The following SGIP1 variants were observed in gnomAD, a reference collection of about 807,000 sequenced individuals.
SGIP1 encodes the protein SH3GL interacting endocytic adaptor 1.
Under a neutral mutation model 107.5 loss-of-function variants are expected in SGIP1, and 38 were observed. The observed-to-expected ratio is 0.35, with a 90% confidence interval of 0.27 to 0.46. The LOEUF (loss-of-function observed/expected upper bound fraction) is 0.46, where lower values mean the gene tolerates loss of function less well. SGIP1 is among the 20% of genes least tolerant of loss of function. The pLI is 1.00. For synonymous variants in SGIP1, 365 were observed against 366.1 expected, an observed-to-expected ratio of 1.00 and a Z score of 0.03; for missense variants, 929 against 1,019.5, an observed-to-expected ratio of 0.91 and a Z score of 1.21.
Position 66,750,243 on chromosome 1 carries a change from G to T in SGIP1, c.*7148G>T, listed in dbSNP as rs149299984. The stretch of plus-strand genomic sequence containing the variant: ...AAGCTGTTTGAACACTATTGTTTTC[G>T]ATTAAAAAGAGTTTTTGTTTGTTTT... On this transcript the variant is annotated 3_prime_UTR_variant, in exon 25 of 25. Transcript: ENST00000371037. Among the ~76,000 whole-genome samples, 3 of 152,140 alleles carry T rather than the reference G, an allele frequency of 2.0e-5. No homozygotes were observed. Among genetic ancestry groups the T allele is most frequent in the South Asian group, 2.1e-4 (1 of 4,820 alleles).
intron 1 of SGIP1, among the ~76,000 whole-genome samples, chr1:66,597,856 C>T (rs1393085599): frequency 6.6e-6 from 1 of 152,146 alleles, no homozygotes; most frequent in Non-Finnish European, 1.5e-5. Context: ...CACATGCTTG[C>T]TGAATGTTTT....
At chr1:66,741,003 T>A (rs1016030720) in intron 23 of SGIP1, among the ~76,000 whole-genome samples, 2 of 152,230 alleles carry the variant, frequency 1.3e-5, no homozygotes, top group African/African-American at 4.8e-5. Context: ...TAGATATTTT[T>A]CACTCTCCTC....
At chr1:66,633,000 T>C in intron 2 of SGIP1, 70 bp from the exon 3 acceptor site, 1 of 967,914 alleles carries the variant, frequency 1.0e-6, no homozygotes, top group South Asian at 1.3e-5. Context: ...TGGTTCTTAC[T>C]GTTGTACTTT....
At chr1:66,635,654 T>G (rs1040881718) in intron 3 of SGIP1, among the ~76,000 whole-genome samples, 1 of 152,226 alleles carries the variant, frequency 6.6e-6, no homozygotes, top group Non-Finnish European at 1.5e-5. Flanking sequence ...AAATGCTGGC[T>G]GTATGAGAAA....
chr1:66,632,514 C>G (rs1330340195), intron 2 of SGIP1, among the ~76,000 whole-genome samples: 1 of 152,146 alleles, frequency 6.6e-6, no homozygotes, highest in Non-Finnish European at 1.5e-5. Context: ...GTGATGCTCT[C>G]CTGCAATCCC....
At chr1:66,733,360 T>C (rs945023998) in intron 20 of SGIP1, among the ~76,000 whole-genome samples, 4 of 152,188 alleles carry the variant, frequency 2.6e-5, no homozygotes, top group Non-Finnish European at 5.9e-5. Flanking sequence ...AATTCAAAAG[T>C]AAATAAACGT....
At chr1:66,684,305 T>G in intron 15 of SGIP1, 1 of 1,416,388 alleles carries the variant, frequency 7.1e-7, no homozygotes, top group East Asian at 2.5e-5. Context: ...CACTGCACAG[T>G]GTCATCGACA....
At chr1:66,535,747 A>T (rs1319088435) in intron 1 of SGIP1, among the ~76,000 whole-genome samples, 2 of 152,200 alleles carry the variant, frequency 1.3e-5, no homozygotes, top group Non-Finnish European at 2.9e-5. Flanking sequence ...AGATTAAATC[A>T]TTTTCATTAA....
chr1:66,590,699 A>G (rs1034465378), intron 1 of SGIP1: 1 of 152,236 alleles, frequency 6.6e-6, no homozygotes, highest in African/African-American at 2.4e-5. Context: ...ACATAGAGGA[A>G]TCTTAAGTGC....
At chr1:66,591,341 C>T (rs1326859766) in intron 1 of SGIP1, among the ~76,000 whole-genome samples, 1 of 152,194 alleles carries the variant, frequency 6.6e-6, no homozygotes, top group Non-Finnish European at 1.5e-5. Context: ...TCAACATAAG[C>T]CCGTTAGAAT....
At chr1:66,579,446 G>A (rs1157916874) in intron 1 of SGIP1, among the ~76,000 whole-genome samples, 1 of 152,200 alleles carries the variant, frequency 6.6e-6, no homozygotes, top group East Asian at 1.9e-4. Flanking sequence ...ATCCACATGA[G>A]ACTATGGCAG....
intron 18 of SGIP1, among the ~76,000 whole-genome samples, chr1:66,714,130 T>C (rs1286776657): frequency 2.0e-5 from 3 of 152,144 alleles, no homozygotes; most frequent in Admixed American, 6.6e-5. Context: ...GTACATACCA[T>C]GTTAAGTACT....
intron 2 of SGIP1, among the ~76,000 whole-genome samples, chr1:66,631,715 CTCTCTCTCTCTCTT>C (rs2074791705): frequency 1.4e-5 from 1 of 72,434 alleles, no homozygotes; most frequent in Non-Finnish European, 2.5e-5. Context: ...CTCTCTCTCT[CTCTCTCTCTCTCTT>C]CTCACGGGCT....
intron 1 of SGIP1, among the ~76,000 whole-genome samples, chr1:66,606,322 G>T (rs1053061463): frequency 4.6e-5 from 7 of 152,198 alleles, no homozygotes; most frequent in Non-Finnish European, 7.3e-5. Context: ...TAAATAATTA[G>T]CACACAGTAG....
At chr1:66,542,103 T>G (rs1418010440) in intron 1 of SGIP1, among the ~76,000 whole-genome samples, 1 of 152,072 alleles carries the variant, frequency 6.6e-6, no homozygotes, top group African/African-American at 2.4e-5. Context: ...ACTATGCTTT[T>G]TCCTATACAT....
intron 1 of SGIP1, among the ~76,000 whole-genome samples, chr1:66,547,632 G>A (rs1166554264): frequency 4.6e-5 from 7 of 152,134 alleles, no homozygotes; most frequent in Admixed American, 1.3e-4. Flanking sequence ...AGTGCAAGGC[G>A]ATGAGCTAGC....
Position 66,710,915 on chromosome 1 carries a change from T to C in SGIP1, c.1631-8379T>C, listed in dbSNP as rs1440942340. On this transcript the variant is annotated intron_variant, in intron 18 of 24. Transcript: ENST00000371037. Reference sequence around the variant, plus strand: ...ACTAAGAGACCCTCGGAATAATGTATAAAACTCTCAATTAATTCTGCAATA... The same window carrying C: ...ACTAAGAGACCCTCGGAATAATGTACAAAACTCTCAATTAATTCTGCAATA... Among the ~76,000 whole-genome samples the C allele has an allele frequency of 2.6e-5, 4 of 152,146 alleles. No homozygotes were observed. The East Asian group carries it at 7.7e-4, about 29-fold the overall frequency.
chr1:66,594,926 G>A (rs1202503540), intron 1 of SGIP1, among the ~76,000 whole-genome samples: 4 of 152,126 alleles, frequency 2.6e-5, no homozygotes, highest in African/African-American at 7.2e-5. Context: ...AATATTTTTC[G>A]CTCCTTTGGT....
rs371154958 is a variant in SGIP1 at position 66,670,320 on chromosome 1, AC to A, written c.484-673del. 5.1e-4 allele frequency among the ~76,000 whole-genome samples: 78 copies of A among 152,354 alleles called. 1 individual carries two copies. In the South Asian group the frequency reaches 0.016, roughly 31 times the overall value. On this transcript the variant is annotated intron_variant, in intron 9 of 24. Coordinates refer to ENST00000371037, the MANE Select transcript of SGIP1 (RefSeq NM_032291.4). ...GAGATGACCTGCTCAGATTATTCCT[AC>A]CAGGGCTATTTGTATTCCAATAATA...
Sources: allele counts gnomAD v4.1 joint callset (sites outside exome capture counted in the v4.1 genomes callset), GRCh38; gene constraint gnomAD v4.1.1; transcripts MANE v1.5; gene names NCBI Gene and HGNC (gene_info 2026-07-23, HGNC 2026-07-21).